Variants in UGT1A9 observed in about 807,000 individuals in gnomAD.
The protein encoded by UGT1A9 is UDP glucuronosyltransferase family 1 member A9.
In UGT1A9, 35 loss-of-function variants were observed where a neutral mutation model predicts 45.0. That is an observed-to-expected ratio of 0.78 (90% CI 0.59 to 1.03). The LOEUF (loss-of-function observed/expected upper bound fraction) is 1.03. Among genes scored for constraint, UGT1A9 ranks in the 50% least tolerant of loss-of-function variants. UGT1A9 has a pLI of 0.00. For synonymous variants in UGT1A9, 278 were observed against 250.6 expected (o/e 1.11, Z -1.03); for missense variants, 687 against 666.6 (o/e 1.03, Z -0.34).
chr2:233,753,489 A>C (rs964194118), intron 1 of UGT1A9: 3 of 151,990 alleles, frequency 2.0e-5, no homozygotes, highest in African/African-American at 7.3e-5. Context: ...TGCTGCTCTT[A>C]ATTTTTTTCA....
Position 233,772,382 on chromosome 2 carries a change from C to T in UGT1A9, c.1416C>T (p.Arg472=). 5 of 1,614,256 alleles carry T rather than the reference C, an allele frequency of 3.1e-6. No homozygotes were observed. The highest frequency in any genetic ancestry group is 2.5e-6 in the Non-Finnish European group (3 of 1,180,048). ...GGCACAAGGGCGCGCCACACCTGCGCCCCGCAGCCCACGACCTCACCTGGT... is the reference window on the plus strand; with the variant it reads ...GGCACAAGGGCGCGCCACACCTGCGTCCCGCAGCCCACGACCTCACCTGGT... ...VMRHKGAPHL[R]PAAHDLTWYQ... The change falls in exon 5 of 5, where the codon CGC becomes CGT. Residue 472 remains arginine, a synonymous_variant. Coordinates refer to ENST00000354728, the MANE Select transcript of UGT1A9 (RefSeq NM_021027.3).
intron 1 of UGT1A9, among the ~76,000 whole-genome samples, chr2:233,704,378 C>G (rs113589213): frequency 1.3e-5 from 2 of 151,338 alleles, no homozygotes; most frequent in South Asian, 4.2e-4. Context: ...CTTAGCACAT[C>G]GATTTTAACT....
At chr2:233,729,392 T>C in intron 1 of UGT1A9, 1 of 1,613,876 alleles carries the variant, frequency 6.2e-7, no homozygotes, top group Non-Finnish European at 8.5e-7. Context: ...CAGGATGAAT[T>C]TGATCGCCAT....
chr2:233,704,647 T>A (rs1262134477), intron 1 of UGT1A9, among the ~76,000 whole-genome samples: 1 of 152,158 alleles, frequency 6.6e-6, no homozygotes, highest in African/African-American at 2.4e-5. Context: ...TTGCTTATCA[T>A]TTTTGGTTCT....
intron 1 of UGT1A9, among the ~76,000 whole-genome samples, chr2:233,737,818 G>C (rs554188879): frequency 2.0e-5 from 3 of 152,134 alleles, no homozygotes; most frequent in South Asian, 2.1e-4. Flanking sequence ...CAGTGGAGCA[G>C]AACAAATTGG....
At chr2:233,743,640 A>T in intron 1 of UGT1A9, 1 of 1,367,298 alleles carries the variant, frequency 7.3e-7, no homozygotes, top group Non-Finnish European at 9.8e-7. Context: ...GGGTCGCGGA[A>T]GCTGAAGACG....
chr2:233,741,893 G>A (rs1575644502), intron 1 of UGT1A9: 1 of 151,848 alleles, frequency 6.6e-6, no homozygotes. Context: ...TAGAAGAAGG[G>A]ACCCTTTGTG....
intron 1 of UGT1A9, among the ~76,000 whole-genome samples, chr2:233,695,066 C>A (rs575360718): frequency 1.3e-5 from 2 of 152,204 alleles, no homozygotes; most frequent in African/African-American, 4.8e-5. Flanking sequence ...TGTGCTATCG[C>A]ACTTTGGACT....
intron 1 of UGT1A9, among the ~76,000 whole-genome samples, chr2:233,715,509 C>T (rs991063274): frequency 6.6e-6 from 1 of 152,138 alleles, no homozygotes; most frequent in Non-Finnish European, 1.5e-5. Flanking sequence ...GGGTAGCTCA[C>T]ACCTGTAATT....
chr2:233,759,820 G>A (rs554010923), intron 1 of UGT1A9, among the ~76,000 whole-genome samples: 9 of 152,316 alleles, frequency 5.9e-5, no homozygotes, highest in East Asian at 1.9e-4. Context: ...AGTACCGGGG[G>A]AGCTGTGGAG....
chr2:233,728,104 A>G (rs1180093047), intron 1 of UGT1A9, among the ~76,000 whole-genome samples: 1 of 152,120 alleles, frequency 6.6e-6, no homozygotes, highest in Admixed American at 6.5e-5. Flanking sequence ...CACATATTTA[A>G]TTCTCCATCT....
intron 1 of UGT1A9, among the ~76,000 whole-genome samples, chr2:233,706,821 G>A (rs982521215): frequency 9.2e-5 from 14 of 152,128 alleles, no homozygotes; most frequent in Non-Finnish European, 1.8e-4. Context: ...CCAATCCCAG[G>A]GCAGGACTCT....
intron 1 of UGT1A9, chr2:233,729,272 G>C: frequency 6.2e-7 from 1 of 1,614,200 alleles, no homozygotes; most frequent in South Asian, 1.1e-5. Flanking sequence ...GAGGTCTTGC[G>C]GGAGCTCCAT....
intron 1 of UGT1A9, among the ~76,000 whole-genome samples, chr2:233,675,628 T>G (rs879731029): frequency 6.6e-6 from 1 of 152,198 alleles, no homozygotes; most frequent in African/African-American, 2.4e-5. Context: ...TTACTTCAAG[T>G]TTTTATTTTC....
chr2:233,686,541 G>A (rs1014835492), intron 1 of UGT1A9, among the ~76,000 whole-genome samples: 9 of 152,058 alleles, frequency 5.9e-5, no homozygotes, highest in Admixed American at 4.6e-4. Context: ...TAACCTTTCC[G>A]TGGCTTTCTG....
At chr2:233,763,469 A>G (rs1698318094) in intron 1 of UGT1A9, among the ~76,000 whole-genome samples, 1 of 152,180 alleles carries the variant, frequency 6.6e-6, no homozygotes, top group South Asian at 2.1e-4. Flanking sequence ...CTAACAATTA[A>G]TAGATTTGAT....
At chr2:233,691,382 C>A (rs986519990) in intron 1 of UGT1A9, 103 of 985,416 alleles carry the variant, frequency 1.0e-4, no homozygotes, top group Non-Finnish European at 1.2e-4. Context: ...GGTTATGTTC[C>A]CCATGGGGGC....
intron 1 of UGT1A9, among the ~76,000 whole-genome samples, chr2:233,753,965 T>C (rs1263394667): frequency 6.6e-6 from 1 of 152,232 alleles, no homozygotes; most frequent in East Asian, 1.9e-4. Flanking sequence ...ATTAAGAGAA[T>C]AACGTGTGTT....
intron 1 of UGT1A9, chr2:233,693,997 C>T (rs2075194295): frequency 2.7e-6 from 4 of 1,507,132 alleles, no homozygotes; most frequent in Non-Finnish European, 3.6e-6. Flanking sequence ...TGATACCCGG[C>T]TCGGAGCAGC....
Sources: gnomAD v4.1 joint callset for allele counts (sites outside exome capture counted in the v4.1 genomes callset) on GRCh38, gnomAD v4.1.1 for gene constraint, MANE v1.5 for transcripts, NCBI Gene and HGNC (gene_info 2026-07-23, HGNC 2026-07-21) for gene names.